The following LRMDA variants were observed in gnomAD, a reference collection of about 807,000 sequenced individuals.
LRMDA encodes leucine-rich melanocyte differentiation-associated protein.
In LRMDA, 18 loss-of-function variants were observed where a neutral mutation model predicts 29.8. The observed-to-expected ratio is 0.60, with a 90% CI of 0.42 to 0.90. LRMDA has a LOEUF of 0.90. LRMDA is among the 40% of genes least tolerant of loss of function. LRMDA has a pLI of 0.00. For synonymous variants in LRMDA, 125 were observed against 109.4 expected (o/e 1.14, Z -0.89); for missense variants, 273 against 273.9 (o/e 1.00, Z 0.02).
chr10:76,225,423 A>G (rs1851934227), intron 5 of LRMDA, among the ~76,000 whole-genome samples: 1 of 152,128 alleles, frequency 6.6e-6, no homozygotes, highest in Non-Finnish European at 1.5e-5. Context: ...TCTCAAAAAA[A>G]AAAAGAAAAG....
At chr10:76,269,116 A>G (rs1223903434) in intron 5 of LRMDA, among the ~76,000 whole-genome samples, 1 of 152,026 alleles carries the variant, frequency 6.6e-6, no homozygotes, top group Non-Finnish European at 1.5e-5. Context: ...GTCGTAGTTC[A>G]TGGGCCAGTA....
intron 6 of LRMDA, among the ~76,000 whole-genome samples, chr10:76,401,475 A>G (rs1841848108): frequency 6.6e-6 from 1 of 152,086 alleles, no homozygotes; most frequent in African/African-American, 2.4e-5. Context: ...TTTATTTTTG[A>G]ATCTGTGTTT....
At chr10:75,704,599 T>A (rs1842345469) in intron 2 of LRMDA, among the ~76,000 whole-genome samples, 1 of 152,206 alleles carries the variant, frequency 6.6e-6, no homozygotes, top group African/African-American at 2.4e-5. Flanking sequence ...TTTTCAGAGT[T>A]AGTGATAGAG....
chr10:75,720,142 G>A (rs941058701), intron 2 of LRMDA, among the ~76,000 whole-genome samples: 10 of 152,094 alleles, frequency 6.6e-5, no homozygotes, highest in African/African-American at 2.4e-4. Context: ...ATAGATTATT[G>A]AGTCTATGTC....
At chr10:76,067,997 G>A (rs1848812174) in intron 5 of LRMDA, among the ~76,000 whole-genome samples, 1 of 152,226 alleles carries the variant, frequency 6.6e-6, no homozygotes. Context: ...TGCAAGAAGG[G>A]GGCAGGCAGA....
At chr10:76,161,706 C>A (rs1374634802) in intron 5 of LRMDA, among the ~76,000 whole-genome samples, 1 of 152,190 alleles carries the variant, frequency 6.6e-6, no homozygotes, top group African/African-American at 2.4e-5. Context: ...AAACTGTCCA[C>A]CTGGCCTTCC....
chr10:76,418,801 C>A (rs1363583170), intron 6 of LRMDA, among the ~76,000 whole-genome samples: 3 of 152,048 alleles, frequency 2.0e-5, no homozygotes, highest in African/African-American at 7.2e-5. Context: ...GAGTTTTCAA[C>A]ATCAATGGGT....
chr10:75,825,033 T>C (rs1844225413), intron 2 of LRMDA, among the ~76,000 whole-genome samples: 4 of 152,168 alleles, frequency 2.6e-5, no homozygotes, highest in African/African-American at 9.7e-5. Flanking sequence ...ACACCTTCAT[T>C]ATCAGCTGAC....
intron 2 of LRMDA, among the ~76,000 whole-genome samples, chr10:75,545,444 G>C (rs955591554): frequency 2.0e-5 from 3 of 152,150 alleles, no homozygotes; most frequent in African/African-American, 7.2e-5. Context: ...TGGGCTTGTT[G>C]CTTAACCTTT....
intron 5 of LRMDA, among the ~76,000 whole-genome samples, chr10:76,124,838 T>C (rs1043085311): frequency 1.3e-5 from 2 of 152,236 alleles, no homozygotes; most frequent in Non-Finnish European, 2.9e-5. Flanking sequence ...TTAAATAATC[T>C]CACCAACCAT....
At chr10:75,753,806 A>T (rs1224737218) in intron 2 of LRMDA, among the ~76,000 whole-genome samples, 1 of 152,058 alleles carries the variant, frequency 6.6e-6, no homozygotes, top group Non-Finnish European at 1.5e-5. Context: ...GAAGTGGGGT[A>T]AGGGGGTCCA....
chr10:76,001,969 G>A (rs962874525), intron 2 of LRMDA, among the ~76,000 whole-genome samples: 7 of 152,026 alleles, frequency 4.6e-5, no homozygotes, highest in Non-Finnish European at 8.8e-5. Flanking sequence ...AAGAACTGCC[G>A]TTTCTACTTG....
rs11001476 is a variant in LRMDA at position 75,706,610 on chromosome 10, T to C, written c.131+268116T>C. ...TCAGGAAAAAGCAAACTGGATGTGG[T>C]GAGCAATGAACAGAATGAGGATTGG... On this transcript the variant is annotated intron_variant, in intron 2 of 6. Transcript: ENST00000611255. 0.022 allele frequency among the ~76,000 whole-genome samples: 3,360 copies of C among 152,214 alleles called. 202 individuals carry two copies. In the East Asian group the frequency reaches 0.24, roughly 11 times the overall value.
chr10:76,036,338 T>C (rs1402836060), intron 3 of LRMDA, among the ~76,000 whole-genome samples: 1 of 152,242 alleles, frequency 6.6e-6, no homozygotes, highest in Non-Finnish European at 1.5e-5. Context: ...TTATAGGTCA[T>C]TCATAAATGA....
At chr10:76,119,718 C>T (rs1212336392) in intron 5 of LRMDA, among the ~76,000 whole-genome samples, 1 of 152,178 alleles carries the variant, frequency 6.6e-6, no homozygotes, top group Non-Finnish European at 1.5e-5. Flanking sequence ...TCCAGGAAAG[C>T]AGCACTCTGG....
intron 5 of LRMDA, among the ~76,000 whole-genome samples, chr10:76,190,502 A>G (rs1851225368): frequency 6.6e-6 from 1 of 152,130 alleles, no homozygotes; most frequent in South Asian, 2.1e-4. Flanking sequence ...GTGACTGGAC[A>G]TTTTCCTTTG....
At chr10:75,756,994 C>T (rs1843039730) in intron 2 of LRMDA, among the ~76,000 whole-genome samples, 1 of 152,116 alleles carries the variant, frequency 6.6e-6, no homozygotes, top group Admixed American at 6.5e-5. Flanking sequence ...GTGACTTGAA[C>T]TATATTAATG....
In LRMDA at chr10:75,720,921, T is replaced by A. The variant is rs191458455; in HGVS notation, c.131+282427T>A. On this transcript the variant is annotated intron_variant, in intron 2 of 6. Transcript: ENST00000611255. The stretch of plus-strand genomic sequence containing the variant: ...AAGCATGAGAACCCATGATGGGAAG[T>A]CATTCCTGGGTAGGGGTTAGTTTGG... Among the ~76,000 whole-genome samples, 281 of 152,302 alleles carry A rather than the reference T, an allele frequency of 1.8e-3. 4 individuals carry two copies. The highest frequency in any genetic ancestry group is 5.9e-5 in the Non-Finnish European group (4 of 68,022).
At chr10:76,548,913 A>G (rs557495629) in intron 6 of LRMDA, among the ~76,000 whole-genome samples, 1 of 152,360 alleles carries the variant, frequency 6.6e-6, no homozygotes, top group East Asian at 1.9e-4. Flanking sequence ...GGATAGAGCC[A>G]CAACGCCTGT....
Sources: allele counts gnomAD v4.1 joint callset (sites outside exome capture counted in the v4.1 genomes callset), GRCh38; gene constraint gnomAD v4.1.1; transcripts MANE v1.5; gene names NCBI Gene and HGNC (gene_info 2026-07-23, HGNC 2026-07-21).